The following NUP93 variants were observed in gnomAD, a reference collection of about 807,000 sequenced individuals.
NUP93 encodes nuclear pore complex protein Nup93.
In NUP93, 55 loss-of-function variants were observed where a neutral mutation model predicts 107.8. The ratio of observed to expected loss-of-function variants is 0.51; its 90% CI spans 0.41 to 0.64. The LOEUF (loss-of-function observed/expected upper bound fraction) is 0.64. Among genes scored for constraint, NUP93 ranks in the 30% least tolerant of loss-of-function variants. NUP93 has a pLI of 0.00. For synonymous variants in NUP93, 390 were observed against 397.5 expected, an observed-to-expected ratio of 0.98 and a Z score of 0.22; for missense variants, 937 against 1,044.7, an observed-to-expected ratio of 0.90 and a Z score of 1.42.
In NUP93 at chr16:56,811,025, T is replaced by C. The variant is rs572243823; in HGVS notation, c.489+5393T>C. Among the ~76,000 whole-genome samples, 14 of 152,364 alleles carry C rather than the reference T, an allele frequency of 9.2e-5. No homozygotes were observed. In the East Asian group the frequency reaches 2.7e-3, roughly 29 times the overall value. On this transcript the variant is annotated intron_variant, in intron 5 of 21. Coordinates refer to ENST00000308159, the MANE Select transcript of NUP93 (RefSeq NM_014669.5). The stretch of plus-strand genomic sequence containing the variant: ...GCAATTTGTTTATCCATTCTAGTAT[T>C]GGTGAACCTTTTAGTTTCCAGTTCT...
rs1417847375 is a variant in NUP93 at position 56,848,836 on chromosome 16, A to G, written c.*4227A>G. ...CTGGAATATCTGAGGTAAATTAAGC[A>G]CTGATTTGTTCCCAGAGTTGTGCAT... is the stretch of plus-strand genomic sequence containing the variant. On this transcript the variant is annotated 3_prime_UTR_variant, in exon 22 of 22. Transcript: ENST00000308159. The G allele has an allele frequency of 2.6e-5, 4 of 152,232 alleles. No homozygotes were observed. Among genetic ancestry groups the G allele is most frequent in the African/African-American group, 9.6e-5 (4 of 41,466 alleles). The allele number at this position is 152,232 out of a possible 1,614,324, so 9.4% of individuals were successfully genotyped here. A position where few individuals can be genotyped will look rare whatever the true frequency, so the allele number is the denominator to read the frequency against.
chr16:56,814,566 C>T (rs1963381610), intron 5 of NUP93, among the ~76,000 whole-genome samples: 1 of 152,178 alleles, frequency 6.6e-6, no homozygotes, highest in African/African-American at 2.4e-5. Flanking sequence ...ACACTTTGTA[C>T]AATAGTAGGT....
At position 56,808,137 on chromosome 16, in the gene NUP93, TTTATATAACTATATATAATATATAG is replaced by T. The variant is rs1567398222; in HGVS notation, c.489+2521_489+2545del. Reference sequence around the variant, plus strand: ...TATATTATATAACTATATAAATATATTTATATAACTATATATAATATATAGTTATATAACTATATAAAATATATAG... The same window carrying T: ...TATATTATATAACTATATAAATATATTTATATAACTATATAAAATATATAG... On this transcript the variant is annotated intron_variant, in intron 5 of 21. Coordinates refer to ENST00000308159, the MANE Select transcript of NUP93 (RefSeq NM_014669.5). Among the ~76,000 whole-genome samples the T allele has an allele frequency of 8.1e-3, 443 of 54,670 alleles. 74 individuals are homozygous for T. The highest frequency in any genetic ancestry group is 0.029 in the African/African-American group (415 of 14,138). 35.9% of individuals were successfully genotyped at this position (54,670 alleles called of 152,430 possible). A position where few individuals can be genotyped will look rare whatever the true frequency, so the allele number is the denominator to read the frequency against.
intron 3 of NUP93, 68 bp downstream of exon 3, chr16:56,758,723 T>A: frequency 9.8e-7 from 1 of 1,024,838 alleles, no homozygotes; most frequent in Non-Finnish European, 1.5e-6. Flanking sequence ...GGCCCTTTAT[T>A]AACTAGCAGA....
At chr16:56,738,246 A>G (rs568674029) in intron 1 of NUP93, among the ~76,000 whole-genome samples, 3 of 152,368 alleles carry the variant, frequency 2.0e-5, no homozygotes, top group African/African-American at 7.2e-5. Context: ...GCCAAGCTGT[A>G]GTCCACAGCA....
At chr16:56,811,912 A>G (rs1332384797) in intron 5 of NUP93, among the ~76,000 whole-genome samples, 2 of 152,200 alleles carry the variant, frequency 1.3e-5, no homozygotes, top group South Asian at 2.1e-4. Flanking sequence ...TAAGATACAC[A>G]TTTTTACTTC....
chr16:56,762,321 T>C (rs1488053066), intron 3 of NUP93, among the ~76,000 whole-genome samples: 1 of 152,242 alleles, frequency 6.6e-6, no homozygotes, highest in Non-Finnish European at 1.5e-5. Context: ...CATGTATATT[T>C]CAAGAAGTCT....
At chr16:56,837,419 C>T (rs1265966100) in intron 17 of NUP93, among the ~76,000 whole-genome samples, 189 bp from the exon 18 acceptor site, 2 of 152,198 alleles carry the variant, frequency 1.3e-5, no homozygotes, top group African/African-American at 2.4e-5. Context: ...AAAAATTAGT[C>T]AGGCATAGTG....
intron 1 of NUP93, among the ~76,000 whole-genome samples, chr16:56,733,358 G>C (rs189583052): frequency 1.3e-5 from 2 of 152,274 alleles, no homozygotes; most frequent in African/African-American, 4.8e-5. Context: ...GAACAAGAAG[G>C]CTTAGTCGGC....
chr16:56,745,017 G>A (rs543224258), intron 1 of NUP93, among the ~76,000 whole-genome samples: 3 of 151,880 alleles, frequency 2.0e-5, no homozygotes, highest in Non-Finnish European at 4.4e-5. Context: ...GTAGAAGCTT[G>A]GGTACGTCAG....
In NUP93 at chr16:56,823,731, G is replaced by A; in HGVS notation, c.679G>A (p.Val227Ile). Residue 227 changes from valine (V) to isoleucine (I), a missense_variant, in exon 8 of 22, where the codon GTA (valine) becomes ATA (isoleucine). Coordinates refer to ENST00000308159, the MANE Select transcript of NUP93 (RefSeq NM_014669.5). ...GAGCATTTCCGACATGTGGACCATGGTAAAACAAATGACAGACGTGTTGTT... is the reference window on the plus strand; with the variant it reads ...GAGCATTTCCGACATGTGGACCATGATAAAACAAATGACAGACGTGTTGTT... ...DKSISDMWTM[V>I]KQMTDVLLTP... 6.2e-7 allele frequency: 1 copy of A among 1,614,156 alleles called. No homozygotes were observed. Among genetic ancestry groups the A allele is most frequent in the Non-Finnish European group, 8.5e-7 (1 of 1,180,004 alleles).
intron 2 of NUP93, among the ~76,000 whole-genome samples, chr16:56,750,544 G>A (rs368786693): frequency 2.6e-5 from 4 of 152,116 alleles, no homozygotes; most frequent in Admixed American, 6.6e-5. Context: ...CTTTTTTTAC[G>A]TGTGTGGTTT....
intron 3 of NUP93, among the ~76,000 whole-genome samples, chr16:56,761,209 T>C (rs75170164): frequency 0.012 from 1,781 of 152,346 alleles, 24 homozygotes; most frequent in Admixed American, 0.038. Context: ...CTCCGTTTTA[T>C]CAATAGGGAT....
chr16:56,830,018 C>A (rs1963747376), intron 9 of NUP93, among the ~76,000 whole-genome samples: 1 of 152,144 alleles, frequency 6.6e-6, no homozygotes, highest in Admixed American at 6.5e-5. Context: ...AGAGTGGGAA[C>A]GGAGCTGTCT....
At chr16:56,761,913 G>A (rs548251653) in intron 3 of NUP93, among the ~76,000 whole-genome samples, 1 of 152,140 alleles carries the variant, frequency 6.6e-6, no homozygotes, top group Admixed American at 6.5e-5. Context: ...AAAAATTGCT[G>A]TGACCACCAA....
At chr16:56,762,003 A>G (rs1406012586) in intron 3 of NUP93, among the ~76,000 whole-genome samples, 1 of 152,138 alleles carries the variant, frequency 6.6e-6, no homozygotes, top group Non-Finnish European at 1.5e-5. Flanking sequence ...TATTGATTTT[A>G]TTTTTTGGAA....
At chr16:56,757,050 G>C (rs1188516096) in intron 2 of NUP93, among the ~76,000 whole-genome samples, 2 of 152,194 alleles carry the variant, frequency 1.3e-5, no homozygotes, top group African/African-American at 4.8e-5. Flanking sequence ...TGGCATCATA[G>C]TTGACGTGGA....
chr16:56,814,821 C>T (rs952860085), intron 5 of NUP93, among the ~76,000 whole-genome samples: 5 of 152,226 alleles, frequency 3.3e-5, no homozygotes. Context: ...TCATCTTGTC[C>T]TGTCGTCCTT....
At chr16:56,739,618 G>T (rs1269943252) in intron 1 of NUP93, among the ~76,000 whole-genome samples, 1 of 112,946 alleles carries the variant, frequency 8.9e-6, no homozygotes, top group African/African-American at 3.8e-5. Context: ...CTGGCCGGGC[G>T]GGGGGCCGAC....
Sources: allele counts gnomAD v4.1 joint callset (sites outside exome capture counted in the v4.1 genomes callset), GRCh38; gene constraint gnomAD v4.1.1; transcripts MANE v1.5; gene names NCBI Gene and HGNC (gene_info 2026-07-23, HGNC 2026-07-21).